The following TRPM7 variants were observed in gnomAD, a reference collection of about 807,000 sequenced individuals.
TRPM7 encodes the protein LTRPC ion channel family member 7.
In TRPM7, 134 loss-of-function variants were observed where a neutral mutation model predicts 229.7. The ratio of observed to expected loss-of-function variants is 0.58; its 90% CI spans 0.51 to 0.67. The LOEUF is 0.67. Ranked by LOEUF, TRPM7 falls within the 30% of genes least tolerant of loss-of-function variation. The probability of loss-of-function intolerance (pLI) is 0.00; values close to 1 mark genes in which losing one functional copy is unlikely to be tolerated. For synonymous variants in TRPM7, 699 were observed against 715.2 expected (o/e 0.98, Z 0.36); for missense variants, 1,901 against 2,210.0 (o/e 0.86, Z 2.80).
chr15:50,575,764 C>T lies in TRPM7; in HGVS notation c.4695G>A (p.Arg1565=). 6.2e-7 allele frequency: 1 copy of T among 1,613,418 alleles called. No homozygotes were observed. Among genetic ancestry groups the T allele is most frequent in the South Asian group, 1.1e-5 (1 of 91,002 alleles). Residue 1565 remains arginine (R), a synonymous_variant, in exon 33 of 39, where the codon AGG becomes AGA. Coordinates refer to ENST00000646667, the MANE Select transcript of TRPM7 (RefSeq NM_017672.6). The part of the protein sequence containing the change: ...YSAVERNNLM[R]LSQSIPFTPV... Reference sequence around the variant, plus strand: ...GTGTAAATGGAATGCTCTGTGATAACCTCATCAAGTTATTTCTTTCCACAG... The same window carrying T: ...GTGTAAATGGAATGCTCTGTGATAATCTCATCAAGTTATTTCTTTCCACAG...
At chr15:50,620,846 C>T (rs1233816480) in intron 12 of TRPM7, among the ~76,000 whole-genome samples, 1 of 149,442 alleles carries the variant, frequency 6.7e-6, no homozygotes, top group African/African-American at 2.5e-5. Context: ...GTAGAAGAAT[C>T]GCTTGAACCC....
intron 13 of TRPM7, among the ~76,000 whole-genome samples, chr15:50,615,523 C>A (rs1051128920): frequency 6.6e-6 from 1 of 152,126 alleles, no homozygotes; most frequent in Non-Finnish European, 1.5e-5. Flanking sequence ...ATTAAATAAT[C>A]TTAAAGGGAT....
At chr15:50,617,179 T>TAAAA (rs869137377) in intron 13 of TRPM7, among the ~76,000 whole-genome samples, 6 of 133,238 alleles carry the variant, frequency 4.5e-5, no homozygotes, top group East Asian at 2.2e-4. Context: ...AATAAATAAA[T>TAAAA]AAAATAAATT....
Position 50,634,565 on chromosome 15 carries a change from A to T in TRPM7, c.833-9T>A. The T allele has an allele frequency of 7.2e-6, 10 of 1,382,234 alleles. No individual in the cohort carries two copies. The highest frequency in any genetic ancestry group is 1.5e-5 in the African/African-American group (1 of 66,950). The allele number at this position is 1,382,234 out of a possible 1,614,324, so 85.6% of individuals were successfully genotyped here. On this transcript the variant is annotated splice_polypyrimidine_tract_variant and intron_variant, in intron 7 of 38. Coordinates refer to ENST00000646667, the MANE Select transcript of TRPM7 (RefSeq NM_017672.6). ...GACACCCTGGCCAATCCCTAAAAAGAGCAAAGTTAAATTAAAAAATTATTT... is the reference window on the plus strand; with the variant it reads ...GACACCCTGGCCAATCCCTAAAAAGTGCAAAGTTAAATTAAAAAATTATTT...
chr15:50,564,574 C>T (rs1354689649), intron 38 of TRPM7, among the ~76,000 whole-genome samples: 1 of 151,716 alleles, frequency 6.6e-6, no homozygotes, highest in African/African-American at 2.4e-5. Flanking sequence ...AAAAAGGATA[C>T]ACGTGCAGAA....
chr15:50,575,830 T>C (rs1404232583), intron 32 of TRPM7, 39 bp downstream of exon 32: 15 of 1,611,450 alleles, frequency 9.3e-6, no homozygotes, highest in African/African-American at 4.0e-5. Flanking sequence ...TCTGTAAAGG[T>C]CCAAAATGCT....
In TRPM7 at chr15:50,561,665, A is replaced by G; in HGVS notation, c.*13T>C. On this transcript the variant is annotated 3_prime_UTR_variant, in exon 39 of 39. Coordinates refer to ENST00000646667, the MANE Select transcript of TRPM7 (RefSeq NM_017672.6). ...GAGGTGCAGGCAAAACCAATGATTC[A>G]GTAATATTAATATTATAACATCAGA... 6.2e-7 allele frequency: 1 copy of G among 1,601,360 alleles called. No individual in the cohort carries two copies. Among genetic ancestry groups the G allele is most frequent in the Non-Finnish European group, 8.5e-7 (1 of 1,177,082 alleles).
chr15:50,620,951 T>A (rs8029073), intron 12 of TRPM7, among the ~76,000 whole-genome samples: 49,669 of 150,012 alleles, frequency 0.33, 9,916 homozygotes, highest in Admixed American at 0.48. Flanking sequence ...GTAAAAAATT[T>A]AAAAAATTCC....
chr15:50,595,207 A>C (rs1378166167), intron 23 of TRPM7, among the ~76,000 whole-genome samples: 1 of 152,022 alleles, frequency 6.6e-6, no homozygotes, highest in African/African-American at 2.4e-5. Flanking sequence ...AAAATAAAAT[A>C]AAATAATTTT....
chr15:50,684,365 G>T (rs1050451583), intron 1 of TRPM7, among the ~76,000 whole-genome samples: 1 of 152,102 alleles, frequency 6.6e-6, no homozygotes, highest in East Asian at 1.9e-4. Flanking sequence ...GTAGAAGCTG[G>T]GCAAAGTGGG....
At chr15:50,588,342 G>T in intron 27 of TRPM7, 2 of 367,562 alleles carry the variant, frequency 5.4e-6, no homozygotes, top group Non-Finnish European at 7.5e-6. Flanking sequence ...ACCTCAATTT[G>T]CATATAATAA....
intron 3 of TRPM7, among the ~76,000 whole-genome samples, chr15:50,655,135 T>A (rs1385271245): frequency 7.1e-6 from 1 of 141,418 alleles, no homozygotes; most frequent in South Asian, 2.2e-4. Context: ...AAAAGTTAAT[T>A]AAAAAAAAAA....
intron 27 of TRPM7, among the ~76,000 whole-genome samples, chr15:50,587,439 C>T (rs1330612377): frequency 1.0e-5 from 1 of 98,976 alleles, no homozygotes; most frequent in Non-Finnish European, 1.9e-5. Flanking sequence ...TGGAGTCTTG[C>T]TCCATCTCAA....
Position 50,592,536 on chromosome 15 carries a change from G to T in TRPM7, c.3699C>A (p.Gly1233=). 6.2e-7 allele frequency: 1 copy of T among 1,613,060 alleles called. No individual in the cohort carries two copies. The highest frequency in any genetic ancestry group is 2.2e-5 in the East Asian group (1 of 44,868). The part of the protein sequence containing the change: ...RSLQSLDSQI[G]HLQDLSALTV... The stretch of plus-strand genomic sequence containing the variant: ...TCAGGGCTGAAAGATCTTGCAAATG[G>T]CCAATTTGAGAATCTAATGATTGTA... Residue 1233 remains glycine, a synonymous_variant, in exon 26 of 39, where the codon GGC becomes GGA. Transcript: ENST00000646667.
At chr15:50,604,564 CTG>C (rs2059871225) in intron 21 of TRPM7, 1 of 163,230 alleles carries the variant, frequency 6.1e-6, no homozygotes. Context: ...GAGCGAAACT[CTG>C]TCTCAAAAAG....
At chr15:50,660,978 CTTT>C (rs763937583) in intron 2 of TRPM7, among the ~76,000 whole-genome samples, 1 of 142,670 alleles carries the variant, frequency 7.0e-6, no homozygotes. Flanking sequence ...ACTACCATTC[CTTT>C]TTTTTTTTTT....
At chr15:50,572,188 G>C (rs1453719918) in intron 36 of TRPM7, among the ~76,000 whole-genome samples, 1 of 152,210 alleles carries the variant, frequency 6.6e-6, no homozygotes, top group Non-Finnish European at 1.5e-5. Context: ...AGGAGGCTGA[G>C]GCAGGAGGAT....
At chr15:50,589,518 A>C (rs2059430860) in intron 27 of TRPM7, 74 bp downstream of exon 27, 1 of 1,058,712 alleles carries the variant, frequency 9.4e-7, no homozygotes, top group African/African-American at 1.6e-5. Flanking sequence ...AAAAATGTTT[A>C]ATTAAATTTT....
At chr15:50,685,319 C>A (rs1461333102) in intron 1 of TRPM7, among the ~76,000 whole-genome samples, 1 of 152,154 alleles carries the variant, frequency 6.6e-6, no homozygotes, top group African/African-American at 2.4e-5. Context: ...CAAAAATTAG[C>A]CGGGCATGGT....
Sources: allele counts gnomAD v4.1 joint callset (sites outside exome capture counted in the v4.1 genomes callset), GRCh38; gene constraint gnomAD v4.1.1; transcripts MANE v1.5; gene names NCBI Gene and HGNC (gene_info 2026-07-23, HGNC 2026-07-21).